Variants in DDC observed in about 807,000 individuals in gnomAD.
DDC encodes the protein aromatic-L-amino-acid decarboxylase.
DDC carries 43 observed loss-of-function variants against 60.0 expected under a neutral mutation model. That is an observed-to-expected ratio of 0.72 (90% CI 0.56 to 0.92). The LOEUF is 0.92. Ranked by LOEUF, DDC falls within the 40% of genes least tolerant of loss-of-function variation. The pLI is 0.00. For missense variants in DDC, 573 were observed against 620.2 expected, an observed-to-expected ratio of 0.92 and a Z score of 0.81; for synonymous variants, 232 against 234.6, an observed-to-expected ratio of 0.99 and a Z score of 0.10.
intron 9 of DDC, among the ~76,000 whole-genome samples, chr7:50,485,779 C>T (rs575465279): frequency 3.3e-5 from 5 of 152,090 alleles, no homozygotes; most frequent in African/African-American, 4.8e-5. Flanking sequence ...GTGAAAAAGC[C>T]TCTGAGTAGA....
chr7:50,463,821 C>T (rs913999897), intron 13 of DDC, among the ~76,000 whole-genome samples: 2 of 152,154 alleles, frequency 1.3e-5, no homozygotes, highest in Non-Finnish European at 2.9e-5. Context: ...AGAAGAGTCT[C>T]AGCAACCTAG....
chr7:50,554,583 G>T (rs2045117490), intron 1 of DDC, among the ~76,000 whole-genome samples: 1 of 152,062 alleles, frequency 6.6e-6, no homozygotes, highest in African/African-American at 2.4e-5. Flanking sequence ...TTTTGCAACT[G>T]CTGGGTTTTT....
chr7:50,483,525 G>A (rs1480888459), intron 9 of DDC, among the ~76,000 whole-genome samples: 1 of 152,108 alleles, frequency 6.6e-6, no homozygotes, highest in African/African-American at 2.4e-5. Context: ...AGGCAGTGTG[G>A]CCTCTTTTGC....
chr7:50,558,308 G>A (rs187748830), intron 1 of DDC, among the ~76,000 whole-genome samples: 87 of 152,170 alleles, frequency 5.7e-4, no homozygotes, highest in Non-Finnish European at 1.0e-3. Context: ...CCTGCACTGT[G>A]AATCTATTTA....
intron 6 of DDC, among the ~76,000 whole-genome samples, chr7:50,510,417 C>A (rs150845154): frequency 6.6e-6 from 1 of 151,648 alleles, no homozygotes; most frequent in East Asian, 1.9e-4. Context: ...GCCTATAATC[C>A]CAGCACTTTG....
chr7:50,564,007 T>G (rs1288458416), intron 1 of DDC: 1 of 152,232 alleles, frequency 6.6e-6, no homozygotes, highest in Non-Finnish European at 1.5e-5. Context: ...GCATTCAATA[T>G]TCCTGAGACT....
At chr7:50,497,744 C>A (rs1260237248) in intron 8 of DDC, among the ~76,000 whole-genome samples, 2 of 152,140 alleles carry the variant, frequency 1.3e-5, no homozygotes, top group Non-Finnish European at 2.9e-5. Context: ...GCTCCATTTA[C>A]CCCCAAGGAT....
At chr7:50,508,456 C>T (rs1385330333) in intron 6 of DDC, among the ~76,000 whole-genome samples, 1 of 152,246 alleles carries the variant, frequency 6.6e-6, no homozygotes, top group Non-Finnish European at 1.5e-5. Context: ...GACTAGCCCT[C>T]TGTGCTCACG....
intron 4 of DDC, among the ~76,000 whole-genome samples, chr7:50,529,661 G>A (rs2044141873): frequency 6.6e-6 from 1 of 152,092 alleles, no homozygotes; most frequent in Non-Finnish European, 1.5e-5. Flanking sequence ...TAGGACGACT[G>A]CTCCTGTCTC....
intron 9 of DDC, among the ~76,000 whole-genome samples, chr7:50,488,183 G>A (rs1240116182): frequency 6.6e-6 from 1 of 151,678 alleles, no homozygotes; most frequent in Non-Finnish European, 1.5e-5. Flanking sequence ...TAGAATAAAT[G>A]CTTGTTAAAA....
intron 9 of DDC, chr7:50,492,907 G>C (rs563149030): frequency 4.4e-5 from 70 of 1,595,882 alleles, no homozygotes; most frequent in Non-Finnish European, 5.6e-5. Flanking sequence ...TCAGCTCTGC[G>C]GCAGGCACTC....
intron 13 of DDC, among the ~76,000 whole-genome samples, chr7:50,464,727 A>G (rs2042357275): frequency 2.0e-5 from 3 of 152,202 alleles, no homozygotes; most frequent in Admixed American, 2.0e-4. Flanking sequence ...AGACCAAGCA[A>G]GTTCTGGCCA....
chr7:50,480,482 T>C (rs1485653109), intron 9 of DDC, among the ~76,000 whole-genome samples: 1 of 152,222 alleles, frequency 6.6e-6, no homozygotes, highest in African/African-American at 2.4e-5. Flanking sequence ...GCAAGGGTTA[T>C]GGGAACCCCC....
chr7:50,470,271 T>C (rs1211223246), intron 11 of DDC, 100 bp from the exon 12 acceptor site: 1 of 897,536 alleles, frequency 1.1e-6, no homozygotes, highest in East Asian at 2.5e-5. Context: ...AGGCAGCCGA[T>C]TCCCTGGTGG....
At chr7:50,480,458 T>TTG in intron 9 of DDC, among the ~76,000 whole-genome samples, 1 of 152,196 alleles carries the variant, frequency 6.6e-6, no homozygotes, top group Non-Finnish European at 1.5e-5. Context: ...TTCTAGTAAG[T>TTG]TACTGAACCT....
intron 13 of DDC, among the ~76,000 whole-genome samples, chr7:50,463,950 C>T (rs11575540): frequency 1.3e-5 from 2 of 152,018 alleles, no homozygotes; most frequent in African/African-American, 2.4e-5. Context: ...CTGGGGTAGG[C>T]GCAGAGGCCC....
At position 50,504,010 on chromosome 7, in the gene DDC, A is replaced by G; in HGVS notation, c.764T>C (p.Leu255Ser). The G allele has an allele frequency of 6.2e-7, 1 of 1,613,648 alleles. No homozygotes were observed. Among genetic ancestry groups the G allele is most frequent in the South Asian group, 1.1e-5 (1 of 91,088 alleles). The change falls in exon 7 of 15, where the codon TTA becomes TCA. Residue 255 changes from leucine (L) to serine (S), a missense_variant. By Grantham distance (145) the Leu-to-Ser change is moderately radical. Coordinates refer to ENST00000444124, the MANE Select transcript of DDC (RefSeq NM_001082971.2). The part of the protein sequence containing the change: ...TTTCCSFDNL[L>S]EVGPICNKED... ...ATACTTACAGATAGGACCGACTTCT[A>G]AGAGATTGTCAAAGGAGCAGCATGT...
At chr7:50,501,175 C>T (rs1473762150) in intron 7 of DDC, among the ~76,000 whole-genome samples, 1 of 152,230 alleles carries the variant, frequency 6.6e-6, no homozygotes, top group Non-Finnish European at 1.5e-5. Flanking sequence ...TGACTCTTTC[C>T]TTCTGAGACT....
chr7:50,533,445 GCCA>G (rs1383568948), intron 4 of DDC, among the ~76,000 whole-genome samples: 1 of 152,004 alleles, frequency 6.6e-6, no homozygotes, highest in Non-Finnish European at 1.5e-5. Context: ...ACAGGCACAT[GCCA>G]CCATGTCCAG....
Sources: gnomAD v4.1 joint callset for allele counts (sites outside exome capture counted in the v4.1 genomes callset) on GRCh38, gnomAD v4.1.1 for gene constraint, MANE v1.5 for transcripts, NCBI Gene and HGNC (gene_info 2026-07-23, HGNC 2026-07-21) for gene names.